Variants in ANO5 observed in about 807,000 individuals in gnomAD.
ANO5 encodes the protein anoctamin-5.
A neutral mutation model predicts 121.0 loss-of-function variants in ANO5; 109 were observed. The ratio of observed to expected loss-of-function variants is 0.90; its 90% CI spans 0.77 to 1.06. ANO5 has a LOEUF of 1.06. Among genes scored for constraint, ANO5 ranks in the 50% least tolerant of loss-of-function variants. The pLI is 0.00. For missense variants in ANO5, 1,064 were observed against 1,078.5 expected (o/e 0.99, Z 0.19); for synonymous variants, 406 against 359.9 (o/e 1.13, Z -1.45).
intron 5 of ANO5, among the ~76,000 whole-genome samples, chr11:22,224,330 A>G (rs1308235651): frequency 3.9e-5 from 6 of 152,152 alleles, no homozygotes; most frequent in African/African-American, 9.6e-5. Flanking sequence ...TAACTAAATG[A>G]CTGTTCTGTA....
chr11:22,217,309 C>T (rs1388179051), intron 3 of ANO5, among the ~76,000 whole-genome samples: 1 of 151,600 alleles, frequency 6.6e-6, no homozygotes, highest in African/African-American at 2.4e-5. Context: ...TTGAGTATCC[C>T]AGATATTTTT....
Position 22,193,443 on chromosome 11 carries a change from C to T in ANO5, c.-50C>T, listed in dbSNP as rs202055410. On this transcript the variant is annotated 5_prime_UTR_variant, in exon 1 of 22. Coordinates refer to ENST00000324559, the MANE Select transcript of ANO5 (RefSeq NM_213599.3). ...AGATCTCCACGTCTGTCTCAGCTGCCCCTCTCCTGCTGCCTCTCAGGCACC... is the reference window on the plus strand; with the variant it reads ...AGATCTCCACGTCTGTCTCAGCTGCTCCTCTCCTGCTGCCTCTCAGGCACC... The T allele has an allele frequency of 1.3e-6, 2 of 1,590,332 alleles. No individual in the cohort carries two copies. The highest frequency in any genetic ancestry group is 4.6e-5 in the East Asian group (2 of 43,916).
At chr11:22,250,119 A>G in intron 9 of ANO5, 118 bp from the exon 10 acceptor site, 1 of 885,614 alleles carries the variant, frequency 1.1e-6, no homozygotes, top group South Asian at 1.7e-5. Flanking sequence ...CACCAAAATT[A>G]CATGTCTAGA....
chr11:22,245,480 T>A (rs1853585505), intron 9 of ANO5, among the ~76,000 whole-genome samples: 1 of 152,202 alleles, frequency 6.6e-6, no homozygotes, highest in Non-Finnish European at 1.5e-5. Flanking sequence ...ATTCCTTTTT[T>A]TAGTTTTTAT....
chr11:22,207,600 A>G (rs1852156974), intron 2 of ANO5, among the ~76,000 whole-genome samples: 1 of 152,138 alleles, frequency 6.6e-6, no homozygotes, highest in African/African-American at 2.4e-5. Context: ...ACTGTTTGGA[A>G]ATTAGATCTT....
chr11:22,283,274 G>A lies in ANO5; in HGVS notation c.*3509G>A, dbSNP rs569034894. ...AGGAAGAGAAATATGCAGTTATGCA[G>A]GAAAAGCTCTCTTAAATAATGTGTA... On this transcript the variant is annotated 3_prime_UTR_variant, in exon 22 of 22. Transcript: ENST00000324559. The A allele has an allele frequency of 1.3e-5, 2 of 152,152 alleles. No individual in the cohort carries two copies. The highest frequency in any genetic ancestry group is 4.8e-5 in the African/African-American group (2 of 41,516). The allele number at this position is 152,152 out of a possible 1,614,324, so 9.4% of individuals were successfully genotyped here.
chr11:22,243,873 T>C (rs1396415439), intron 9 of ANO5, among the ~76,000 whole-genome samples: 1 of 152,222 alleles, frequency 6.6e-6, no homozygotes, highest in Non-Finnish European at 1.5e-5. Flanking sequence ...CTTGGTTTCA[T>C]TGATCTTGTG....
At chr11:22,222,020 T>A (rs995960400) in intron 5 of ANO5, among the ~76,000 whole-genome samples, 2 of 151,968 alleles carry the variant, frequency 1.3e-5, no homozygotes, top group African/African-American at 2.4e-5. Context: ...TCATCTCTTC[T>A]CCGAACATTC....
intron 21 of ANO5, chr11:22,277,859 T>G (rs1224780130): frequency 6.6e-6 from 1 of 150,976 alleles, no homozygotes; most frequent in Non-Finnish European, 1.5e-5. Context: ...CTGCAATCTA[T>G]GTTTCTCCCA....
intron 7 of ANO5, among the ~76,000 whole-genome samples, chr11:22,232,290 T>A (rs1338465340): frequency 2.0e-5 from 3 of 152,008 alleles, no homozygotes; most frequent in Non-Finnish European, 4.4e-5. Context: ...GAGATTGATC[T>A]CCTTGTATAT....
chr11:22,253,630 TGAGTA>T (rs1461451751), intron 12 of ANO5, among the ~76,000 whole-genome samples: 1 of 152,156 alleles, frequency 6.6e-6, no homozygotes, highest in African/African-American at 2.4e-5. Context: ...AGTAATGAAA[TGAGTA>T]GAGTAGAAGT....
In ANO5 at chr11:22,279,898, A is replaced by G; in HGVS notation, c.*133A>G. 1 of 802,896 alleles carries G rather than the reference A, an allele frequency of 1.2e-6. No individual in the cohort carries two copies. The highest frequency in any genetic ancestry group is 1.9e-6 in the Non-Finnish European group (1 of 513,964). 49.7% of individuals were successfully genotyped at this position (802,896 alleles called of 1,614,324 possible). Reference sequence around the variant, plus strand: ...TTTTTTCTTTTTTTTTTTAAACTCAAAGTTTTTATACACTTTTATAGAGGC... The same window carrying G: ...TTTTTTCTTTTTTTTTTTAAACTCAGAGTTTTTATACACTTTTATAGAGGC... On this transcript the variant is annotated 3_prime_UTR_variant, in exon 22 of 22. Coordinates refer to ENST00000324559, the MANE Select transcript of ANO5 (RefSeq NM_213599.3).
rs927905902 is a variant in ANO5 at position 22,193,198 on chromosome 11, G to T, written c.-295G>T. ...GGGAGAGCGCCCAGGAGCGCTACCG[G>T]CTGAGGGTGGGGAAGCGCAGGGCCA... On this transcript the variant is annotated 5_prime_UTR_variant, in exon 1 of 22. Transcript: ENST00000324559. 4.0e-5 allele frequency: 51 copies of T among 1,278,338 alleles called. No homozygotes were observed. The highest frequency in any genetic ancestry group is 5.0e-5 in the Non-Finnish European group (50 of 999,570). 79.2% of individuals were successfully genotyped at this position (1,278,338 alleles called of 1,614,324 possible).
chr11:22,277,796 AG>A (rs1854923257), intron 21 of ANO5: 1 of 151,418 alleles, frequency 6.6e-6, no homozygotes, highest in Admixed American at 6.6e-5. Context: ...GCTCCAACCA[AG>A]CATCATCCTG....
At position 22,193,641 on chromosome 11, in the gene ANO5, C is replaced by T. The variant is rs1851721094; in HGVS notation, c.40+109C>T. 26 of 1,372,986 alleles carry T rather than the reference C, an allele frequency of 1.9e-5. No homozygotes were observed. The East Asian group carries it at 6.0e-4, about 31-fold the overall frequency. The allele number at this position is 1,372,986 out of a possible 1,614,324, so 85.1% of individuals were successfully genotyped here. A position where few individuals can be genotyped will look rare whatever the true frequency, so the allele number is the denominator to read the frequency against. ...CGTTGGCGGCCCTGCGGCCTGAGTCCTAGGGAGGTTCGCTGCGTGGCGTGC... is the reference window on the plus strand; with the variant it reads ...CGTTGGCGGCCCTGCGGCCTGAGTCTTAGGGAGGTTCGCTGCGTGGCGTGC... On this transcript the variant is annotated intron_variant, in intron 1 of 21. Transcript: ENST00000324559.
At chr11:22,217,149 T>G (rs148238457) in intron 3 of ANO5, among the ~76,000 whole-genome samples, 2 of 152,018 alleles carry the variant, frequency 1.3e-5, no homozygotes, top group African/African-American at 4.8e-5. Context: ...TTCCCTCCAA[T>G]AGTCACCAGT....
chr11:22,279,100 A>G (rs1854978424), intron 21 of ANO5, among the ~76,000 whole-genome samples: 2 of 151,610 alleles, frequency 1.3e-5, no homozygotes, highest in East Asian at 1.9e-4. Flanking sequence ...TTCAACTCCA[A>G]CTCAAACTAA....
chr11:22,255,672 C>A, intron 13 of ANO5, 150 bp downstream of exon 13: 1 of 802,996 alleles, frequency 1.2e-6, no homozygotes, highest in East Asian at 2.8e-5. Flanking sequence ...AATATACATA[C>A]ATGTATATAA....
chr11:22,237,297 G>A (rs2133653614), intron 8 of ANO5, among the ~76,000 whole-genome samples: 1 of 152,306 alleles, frequency 6.6e-6, no homozygotes, highest in Non-Finnish European at 1.5e-5. Context: ...CAGTGTTGCT[G>A]TAATAGTTCC....
Sources: gnomAD v4.1 joint callset for allele counts (sites outside exome capture counted in the v4.1 genomes callset) on GRCh38, gnomAD v4.1.1 for gene constraint, MANE v1.5 for transcripts, NCBI Gene and HGNC (gene_info 2026-07-23, HGNC 2026-07-21) for gene names.